The following ELMOD1 variants were observed in gnomAD, a reference collection of about 807,000 sequenced individuals.
The protein encoded by ELMOD1 is ELMO domain-containing protein 1.
A neutral mutation model predicts 46.7 loss-of-function variants in ELMOD1; 21 were observed. The ratio of observed to expected loss-of-function variants is 0.45; its 90% CI spans 0.32 to 0.65. ELMOD1 has a LOEUF of 0.65. Among genes scored for constraint, ELMOD1 ranks in the 30% least tolerant of loss-of-function variants. The probability of loss-of-function intolerance (pLI) is 0.04; values close to 1 mark genes in which losing one functional copy is unlikely to be tolerated. For synonymous variants in ELMOD1, 122 were observed against 138.2 expected (o/e 0.88, Z 0.82); for missense variants, 348 against 407.8 (o/e 0.85, Z 1.26).
At chr11:107,660,752 TGCAATGAGATGGTGGAAAATA>T (rs1168824180) in intron 11 of ELMOD1, among the ~76,000 whole-genome samples, 1 of 152,230 alleles carries the variant, frequency 6.6e-6, no homozygotes, top group African/African-American at 2.4e-5. Flanking sequence ...GTTGTAAGAA[TGCAATGAGATGGTGGAAAATA>T]GCCTGGCCTC....
chr11:107,618,992 C>A (rs1402355509), intron 2 of ELMOD1, among the ~76,000 whole-genome samples: 1 of 152,120 alleles, frequency 6.6e-6, no homozygotes, highest in Non-Finnish European at 1.5e-5. Flanking sequence ...AGATGGTGAC[C>A]TGCTTCTGTT....
intron 9 of ELMOD1, chr11:107,653,360 A>G (rs1866559456): frequency 6.7e-6 from 1 of 148,230 alleles, no homozygotes. Context: ...AGAGAGAGAG[A>G]AAGCATTTTC....
At chr11:107,660,976 C>G (rs1367347039) in intron 11 of ELMOD1, among the ~76,000 whole-genome samples, 2 of 152,200 alleles carry the variant, frequency 1.3e-5, no homozygotes, top group African/African-American at 2.4e-5. Flanking sequence ...GATGAGTTAA[C>G]TGACAGATCA....
Position 107,630,524 on chromosome 11 carries a change from A to C in ELMOD1, c.125A>C (p.Tyr42Ser), listed in dbSNP as rs1460919288. The change falls in exon 3 of 12, where the codon TAT (tyrosine) becomes TCT (serine). Residue 42 changes from tyrosine to serine, a missense_variant. By Grantham distance (144) the Tyr-to-Ser change is moderately radical. Transcript: ENST00000265840. The stretch of plus-strand genomic sequence containing the variant: ...AGATGTGAACTACAACGGATCTGTT[A>C]TAATACCAAGCCGGGAGCTTCTAGA... ...TGRCELQRICYNTKPGASRTM... is the reference protein window; with the variant it reads ...TGRCELQRICSNTKPGASRTM... The C allele has an allele frequency of 1.9e-6, 3 of 1,610,812 alleles. No individual in the cohort carries two copies.
intron 6 of ELMOD1, among the ~76,000 whole-genome samples, chr11:107,645,283 T>C (rs1866408757): frequency 6.6e-6 from 1 of 151,066 alleles, no homozygotes; most frequent in African/African-American, 2.4e-5. Context: ...GACGATCACC[T>C]GGTCTCATTT....
intron 1 of ELMOD1, among the ~76,000 whole-genome samples, chr11:107,603,547 A>G (rs552752446): frequency 1.5e-3 from 227 of 152,166 alleles, no homozygotes; most frequent in Middle Eastern, 3.4e-3. Context: ...TTTAAAAAAC[A>G]AAACCAACAA....
rs56992146 is a variant in ELMOD1, at chr11:107,599,740, C to CAAAAAAAAAA, written c.-86+8333_-86+8342dup. Among the ~76,000 whole-genome samples the CAAAAAAAAAA allele has an allele frequency of 6.3e-4, 57 of 91,074 alleles. 1 individual carries two copies. The highest frequency in any genetic ancestry group is 2.0e-3 in the East Asian group (6 of 3,010). The allele number at this position is 91,074 out of a possible 152,430, so 59.7% of individuals were successfully genotyped here. ...CAGGGCGACAGAGCGAGACCTGTCTCAAAAAAAAAAAGAAAAAAAGAAAAG... is the reference window on the plus strand; with the variant it reads ...CAGGGCGACAGAGCGAGACCTGTCTCAAAAAAAAAAAAAAAAAAAAAGAAAAAAAGAAAAG... On this transcript the variant is annotated intron_variant, in intron 1 of 11. Transcript: ENST00000265840.
chr11:107,608,887 A>G (rs1266912135), intron 1 of ELMOD1, among the ~76,000 whole-genome samples: 1 of 152,194 alleles, frequency 6.6e-6, no homozygotes, highest in African/African-American at 2.4e-5. Context: ...TTTGAAATGA[A>G]TATACTGTGT....
chr11:107,645,089 ATTTTT>A (rs11390120), intron 6 of ELMOD1, among the ~76,000 whole-genome samples: 2,523 of 103,170 alleles, frequency 0.024, 28 homozygotes, highest in South Asian at 0.035. Context: ...TGCCTGGCTA[ATTTTT>A]TTTTTTTTTT....
chr11:107,640,970 ATAC>A (rs1866312148), intron 6 of ELMOD1, among the ~76,000 whole-genome samples: 1 of 152,202 alleles, frequency 6.6e-6, no homozygotes, highest in South Asian at 2.1e-4. Context: ...TATAACATAA[ATAC>A]TACAATATTT....
At position 107,650,377 on chromosome 11, in the gene ELMOD1, G is replaced by A; in HGVS notation, c.597G>A (p.Leu199=). The A allele has an allele frequency of 6.3e-7, 1 of 1,592,888 alleles. No homozygotes were observed. The highest frequency in any genetic ancestry group is 8.6e-7 in the Non-Finnish European group (1 of 1,168,936). Reference sequence around the variant, plus strand: ...ATGCCACAGCAGCTCAGCAGGTCCTGTCTGACTCTCTTCATCCGAAATGCA... The same window carrying A: ...ATGCCACAGCAGCTCAGCAGGTCCTATCTGACTCTCTTCATCCGAAATGCA... ...ERDATAAQQV[L]SDSLHPKCRD... The change falls in exon 8 of 12, where the codon CTG becomes CTA. Residue 199 remains leucine (L), a synonymous_variant. Coordinates refer to ENST00000265840, the MANE Select transcript of ELMOD1 (RefSeq NM_018712.4).
At chr11:107,622,623 T>C (rs1865969702) in intron 2 of ELMOD1, among the ~76,000 whole-genome samples, 1 of 152,256 alleles carries the variant, frequency 6.6e-6, no homozygotes, top group East Asian at 1.9e-4. Context: ...AAATTCGGGC[T>C]AGACTCCAAG....
chr11:107,631,685 T>C lies in ELMOD1; in HGVS notation c.290+8T>C. 1 of 1,392,882 alleles carries C rather than the reference T, an allele frequency of 7.2e-7. No individual in the cohort carries two copies. Among genetic ancestry groups the C allele is most frequent in the Non-Finnish European group, 9.9e-7 (1 of 1,011,784 alleles). 86.3% of individuals were successfully genotyped at this position (1,392,882 alleles called of 1,614,324 possible). On this transcript the variant is annotated splice_region_variant and intron_variant, in intron 5 of 11. Coordinates refer to ENST00000265840, the MANE Select transcript of ELMOD1 (RefSeq NM_018712.4). Reference sequence around the variant, plus strand: ...TCCTGACGTAAATCCACAGTAAGAATATGTTTCTTATGTCAAAAATACAGA... The same window carrying C: ...TCCTGACGTAAATCCACAGTAAGAACATGTTTCTTATGTCAAAAATACAGA...
intron 2 of ELMOD1, among the ~76,000 whole-genome samples, chr11:107,624,139 G>A (rs1413664449): frequency 6.6e-6 from 1 of 152,078 alleles, no homozygotes; most frequent in Non-Finnish European, 1.5e-5. Context: ...TGATGATGGA[G>A]CATGAATAAT....
intron 7 of ELMOD1, 79 bp from the exon 8 acceptor site, chr11:107,650,256 A>G: frequency 9.7e-7 from 1 of 1,032,680 alleles, no homozygotes; most frequent in Non-Finnish European, 1.5e-6. Flanking sequence ...ATTCAAAATG[A>G]CCTCGAATTG....
rs61906388 is a variant in ELMOD1 at position 107,624,522 on chromosome 11, G to T, written c.18-5895G>T. 4.6e-5 allele frequency among the ~76,000 whole-genome samples: 7 copies of T among 152,058 alleles called. No individual in the cohort carries two copies. In the East Asian group the frequency reaches 1.4e-3, roughly 29 times the overall value. Reference sequence around the variant, plus strand: ...AAAAATTAGCTGAGCATTGTGGCGCGTACCTGTAGTCCCAGCTACAGGGGA... The same window carrying T: ...AAAAATTAGCTGAGCATTGTGGCGCTTACCTGTAGTCCCAGCTACAGGGGA... On this transcript the variant is annotated intron_variant, in intron 2 of 11. Coordinates refer to ENST00000265840, the MANE Select transcript of ELMOD1 (RefSeq NM_018712.4).
At chr11:107,618,501 G>A (rs1461027237) in intron 2 of ELMOD1, among the ~76,000 whole-genome samples, 1 of 152,210 alleles carries the variant, frequency 6.6e-6, no homozygotes, top group Non-Finnish European at 1.5e-5. Context: ...TACACCGCTG[G>A]CCTGAAAGGT....
intron 11 of ELMOD1, among the ~76,000 whole-genome samples, chr11:107,664,422 A>G (rs1303702554): frequency 6.6e-6 from 1 of 152,202 alleles, no homozygotes. Context: ...TCACTCGTGG[A>G]TAGCATTTTT....
chr11:107,611,704 CAAAAAAAAAA>C (rs71470853), intron 1 of ELMOD1, among the ~76,000 whole-genome samples: 1 of 55,792 alleles, frequency 1.8e-5, no homozygotes, highest in Non-Finnish European at 3.2e-5. Context: ...GACTCCATCT[CAAAAAAAAAA>C]AAAAAAAAAA....
Sources: gnomAD v4.1 joint callset for allele counts (sites outside exome capture counted in the v4.1 genomes callset) on GRCh38, gnomAD v4.1.1 for gene constraint, MANE v1.5 for transcripts, NCBI Gene and HGNC (gene_info 2026-07-23, HGNC 2026-07-21) for gene names.